RIPOR3: variants seen among roughly 807,000 people sequenced by gnomAD.
The protein encoded by RIPOR3 is family with sequence similarity 65 member C.
RIPOR3 carries 95 observed loss-of-function variants against 114.3 expected under a neutral mutation model. That is an observed-to-expected ratio of 0.83 (90% confidence interval 0.70 to 0.99). RIPOR3 has a LOEUF of 0.99. RIPOR3 is among the 50% of genes least tolerant of loss of function. The pLI, the probability that RIPOR3 is intolerant of heterozygous loss-of-function variation, is 0.00. For missense variants in RIPOR3, 1,252 were observed against 1,266.9 expected, an observed-to-expected ratio of 0.99 and a Z score of 0.18; for synonymous variants, 575 against 543.8, an observed-to-expected ratio of 1.06 and a Z score of -0.80.
intron 1 of RIPOR3, among the ~76,000 whole-genome samples, chr20:50,667,444 C>T (rs377578110): frequency 6.6e-6 from 1 of 152,020 alleles, no homozygotes; most frequent in Non-Finnish European, 1.5e-5. Context: ...CAGGCACCCG[C>T]CACAACGCCC....
At chr20:50,606,781 G>A (rs893890825) in intron 11 of RIPOR3, among the ~76,000 whole-genome samples, 6 of 151,452 alleles carry the variant, frequency 4.0e-5, no homozygotes, top group Non-Finnish European at 8.8e-5. Context: ...CCAGGCTGGA[G>A]TGCGGTGGCG....
intron 1 of RIPOR3, among the ~76,000 whole-genome samples, chr20:50,652,588 C>T (rs1234302817): frequency 3.0e-4 from 11 of 36,218 alleles, no homozygotes; most frequent in Non-Finnish European, 5.3e-4. Flanking sequence ...GAGATTCTGT[C>T]TCAAAAAAAA....
intron 20 of RIPOR3, among the ~76,000 whole-genome samples, chr20:50,589,143 G>A (rs1359469007): frequency 7.0e-6 from 1 of 142,840 alleles, no homozygotes; most frequent in Non-Finnish European, 1.5e-5. Flanking sequence ...AACACAAAAT[G>A]TTCTTATTTT....
chr20:50,598,130 C>G (rs1210443796), intron 13 of RIPOR3, among the ~76,000 whole-genome samples: 1 of 152,246 alleles, frequency 6.6e-6, no homozygotes, highest in Non-Finnish European at 1.5e-5. Context: ...TTATGGGAAA[C>G]TGCCCAGCTT....
At chr20:50,629,066 A>G (rs2084726391) in intron 2 of RIPOR3, among the ~76,000 whole-genome samples, 1 of 151,958 alleles carries the variant, frequency 6.6e-6, no homozygotes, top group Non-Finnish European at 1.5e-5. Context: ...GAGGTGGAGG[A>G]GTGGGGTAGG....
chr20:50,686,351 C>A (rs930534998), intron 1 of RIPOR3, among the ~76,000 whole-genome samples: 1 of 152,166 alleles, frequency 6.6e-6, no homozygotes, highest in South Asian at 2.1e-4. Flanking sequence ...CCACTGCGCC[C>A]GGCCAAGACA....
At chr20:50,660,947 T>A (rs900628341) in intron 1 of RIPOR3, among the ~76,000 whole-genome samples, 3 of 150,874 alleles carry the variant, frequency 2.0e-5, no homozygotes, top group South Asian at 2.1e-4. Context: ...AAAAAAAAAA[T>A]TTTGTAGAGG....
At chr20:50,598,919 AAAG>A (rs1244752472) in intron 13 of RIPOR3, among the ~76,000 whole-genome samples, 2 of 151,634 alleles carry the variant, frequency 1.3e-5, no homozygotes, top group Non-Finnish European at 2.9e-5. Flanking sequence ...AAAAAAAAAA[AAAG>A]GAGGGGGTTA....
chr20:50,620,972 T>C, intron 2 of RIPOR3: 1 of 530,094 alleles, frequency 1.9e-6, no homozygotes, highest in Non-Finnish European at 3.7e-6. Flanking sequence ...GGCCCTCAAG[T>C]TCATCAAGGA....
At chr20:50,652,385 A>G (rs529405387) in intron 1 of RIPOR3, among the ~76,000 whole-genome samples, 126 of 152,098 alleles carry the variant, frequency 8.3e-4, no homozygotes, top group African/African-American at 3.0e-3. Flanking sequence ...GAGGTCAGGA[A>G]TTCAAGACCA....
intron 3 of RIPOR3, among the ~76,000 whole-genome samples, chr20:50,619,510 G>GT (rs889375439): frequency 6.6e-6 from 1 of 151,684 alleles, no homozygotes; most frequent in Non-Finnish European, 1.5e-5. Flanking sequence ...CAGCTCATCA[G>GT]TTGGTCTCTG....
At position 50,630,636 on chromosome 20, in the gene RIPOR3, C is replaced by T. The variant is rs759105122; in HGVS notation, c.122+102G>A. On this transcript the variant is annotated intron_variant, in intron 2 of 21. Transcript: ENST00000327979. ...GGCTGCAAGCCGGCCTGAGAGTGGG[C>T]CTTCGGGTCTCTGGCAGCAGGAGGA... 8.1e-6 allele frequency: 8 copies of T among 983,056 alleles called. No individual in the cohort carries two copies. In the African/African-American group the frequency reaches 8.1e-5, roughly 10 times the overall value. The allele number at this position is 983,056 out of a possible 1,614,324, so 60.9% of individuals were successfully genotyped here.
At chr20:50,604,202 G>GA (rs897369859) in intron 12 of RIPOR3, among the ~76,000 whole-genome samples, 10 of 149,414 alleles carry the variant, frequency 6.7e-5, no homozygotes, top group East Asian at 2.0e-4. Flanking sequence ...AAAAAACAAA[G>GA]AAAAAAAAAG....
At chr20:50,650,867 T>G (rs1191083917) in intron 1 of RIPOR3, among the ~76,000 whole-genome samples, 1 of 152,098 alleles carries the variant, frequency 6.6e-6, no homozygotes, top group African/African-American at 2.4e-5. Context: ...GCAGAACCTG[T>G]GAATATTATG....
chr20:50,598,867 T>TG (rs2083394648), intron 13 of RIPOR3, among the ~76,000 whole-genome samples: 1 of 146,510 alleles, frequency 6.8e-6, no homozygotes, highest in African/African-American at 2.5e-5. Flanking sequence ...ATTGCACCAC[T>TG]GCGCTCCAGC....
At chr20:50,662,775 C>A (rs1398778584) in intron 1 of RIPOR3, among the ~76,000 whole-genome samples, 1 of 152,302 alleles carries the variant, frequency 6.6e-6, no homozygotes, top group Non-Finnish European at 1.5e-5. Context: ...GCTTTCTCAC[C>A]TGTACAATGG....
rs1236064914 is a variant in RIPOR3, at chr20:50,648,822, G to T, written c.4-17966C>A. On this transcript the variant is annotated intron_variant, in intron 1 of 21. Coordinates refer to ENST00000327979, the MANE Select transcript of RIPOR3 (RefSeq NM_001290268.2). ...GAGAATTGAACGCCTCCACTGATCA[G>T]ACAGGAGGTAACACAAGCAATGGGG... is the stretch of plus-strand genomic sequence containing the variant. Among the ~76,000 whole-genome samples, 3 of 152,122 alleles carry T rather than the reference G, an allele frequency of 2.0e-5. No homozygotes were observed. In the South Asian group the frequency reaches 6.2e-4, roughly 32 times the overall value.
rs71190582 is a variant in RIPOR3, at chr20:50,643,706, CTTTTTT to C, written c.4-12856_4-12851del. On this transcript the variant is annotated intron_variant, in intron 1 of 21. Coordinates refer to ENST00000327979, the MANE Select transcript of RIPOR3 (RefSeq NM_001290268.2). ...GGCAGGAGGATTTCTTTCTTTCTTT[CTTTTTT>C]TTTTTTTTTTTGAGATGGAGCCTCA... 5.5e-4 allele frequency among the ~76,000 whole-genome samples: 74 copies of C among 134,966 alleles called. 1 individual carries two copies. The highest frequency in any genetic ancestry group is 2.0e-3 in the African/African-American group (71 of 35,966). 88.5% of individuals were successfully genotyped at this position (134,966 alleles called of 152,430 possible).
At chr20:50,639,930 C>A (rs1186302376) in intron 1 of RIPOR3, among the ~76,000 whole-genome samples, 7 of 152,008 alleles carry the variant, frequency 4.6e-5, no homozygotes, top group African/African-American at 1.5e-4. Context: ...AGGAGCACAG[C>A]CTGTGACAGC....
Sources: allele counts gnomAD v4.1 joint callset (sites outside exome capture counted in the v4.1 genomes callset), GRCh38; gene constraint gnomAD v4.1.1; transcripts MANE v1.5; gene names NCBI Gene and HGNC (gene_info 2026-07-23, HGNC 2026-07-21).